PHLDB3: variants seen among roughly 807,000 people sequenced by gnomAD.
PHLDB3 encodes pleckstrin homology like domain family B member 3, also known as pleckstrin homology-like domain family B member 3.
Under a neutral mutation model 85.7 loss-of-function variants are expected in PHLDB3, and 86 were observed. The observed-to-expected ratio is 1.00, with a 90% CI of 0.84 to 1.20. The LOEUF is 1.20. Ranked by LOEUF, PHLDB3 falls within the 50% of genes most tolerant of loss-of-function variation. The pLI, the probability that PHLDB3 is intolerant of heterozygous loss-of-function variation, is 0.00. For synonymous variants in PHLDB3, 376 were observed against 349.8 expected (o/e 1.07, Z -0.83); for missense variants, 995 against 873.0 (o/e 1.14, Z -1.76).
chr19:43,475,384 A>T lies in PHLDB3; in HGVS notation c.*26T>A. The T allele has an allele frequency of 3.7e-6, 6 of 1,609,232 alleles. No individual in the cohort carries two copies. The highest frequency in any genetic ancestry group is 5.1e-6 in the Non-Finnish European group (6 of 1,176,660). On this transcript the variant is annotated 3_prime_UTR_variant, in exon 16 of 16. Coordinates refer to ENST00000292140, the MANE Select transcript of PHLDB3 (RefSeq NM_198850.4). ...CCCGCGCCGGCGGAGCCTCGAAGGGACTTCCCCCCAAGAGGGCGGGGCCAC... is the reference window on the plus strand; with the variant it reads ...CCCGCGCCGGCGGAGCCTCGAAGGGTCTTCCCCCCAAGAGGGCGGGGCCAC...
Position 43,477,372 on chromosome 19 carries a change from A to T in PHLDB3, c.1788+675T>A, listed in dbSNP as rs909767604. Among the ~76,000 whole-genome samples, 7 of 151,132 alleles carry T rather than the reference A, an allele frequency of 4.6e-5. 1 individual carries two copies. Among genetic ancestry groups the T allele is most frequent in the African/African-American group, 1.7e-4 (7 of 40,692 alleles). ...CATCTCAACTAAAAATACAAAAGTT[A>T]GCCAGCTGTGGTGGCACGCCTGTAA... On this transcript the variant is annotated intron_variant, in intron 15 of 15. Transcript: ENST00000292140.
intron 4 of PHLDB3, 34 bp from the exon 5 acceptor site, chr19:43,497,910 A>C: frequency 1.3e-6 from 2 of 1,575,862 alleles, no homozygotes; most frequent in Non-Finnish European, 1.7e-6. Context: ...CCCTCAGCTT[A>C]AGCATAGCGG....
At chr19:43,498,336 C>G (rs1323397950) in intron 4 of PHLDB3, among the ~76,000 whole-genome samples, 2 of 144,960 alleles carry the variant, frequency 1.4e-5, no homozygotes, top group Admixed American at 1.4e-4. Flanking sequence ...GACACTGTCT[C>G]GAAAGGGAAG....
chr19:43,489,327 A>G (rs998698116), intron 9 of PHLDB3, among the ~76,000 whole-genome samples: 1 of 150,812 alleles, frequency 6.6e-6, no homozygotes, highest in Non-Finnish European at 1.5e-5. Context: ...TGATCATGCC[A>G]CTGCACTCCA....
chr19:43,486,136 C>T, intron 13 of PHLDB3, 130 bp downstream of exon 13: 4 of 1,410,886 alleles, frequency 2.8e-6, no homozygotes, highest in Non-Finnish European at 3.7e-6. Flanking sequence ...AGTTCCCTTT[C>T]CCTTGCCAAG....
chr19:43,479,446 G>T lies in PHLDB3; in HGVS notation c.1633C>A (p.Arg545Ser). The change falls in exon 14 of 16, where the codon CGC becomes AGC. Residue 545 changes from arginine to serine, a missense_variant. Arg to Ser is a moderately radical substitution (Grantham distance 110). Coordinates refer to ENST00000292140, the MANE Select transcript of PHLDB3 (RefSeq NM_198850.4). ...CATCGCTTCCTCCAGGTCTTGATGC[G>T]GCCGCCCATCTTCACCAGGGGTCCA... ...CRGPLVKMGG[R>S]IKTWRKRWFC... 6.4e-7 allele frequency: 1 copy of T among 1,566,568 alleles called. No individual in the cohort carries two copies. The highest frequency in any genetic ancestry group is 8.7e-7 in the Non-Finnish European group (1 of 1,155,958).
chr19:43,484,300 A>T (rs1290671049), intron 13 of PHLDB3, among the ~76,000 whole-genome samples: 2 of 151,732 alleles, frequency 1.3e-5, no homozygotes. Context: ...AATTTTTAAA[A>T]ACATATTTTG....
At chr19:43,477,786 C>T (rs1230903341) in intron 15 of PHLDB3, among the ~76,000 whole-genome samples, 8 of 149,888 alleles carry the variant, frequency 5.3e-5, no homozygotes, top group Non-Finnish European at 1.0e-4. Context: ...CAGGCCTGGG[C>T]GACAGAATGA....
chr19:43,496,016 CTT>C (rs199561319), intron 6 of PHLDB3: 3,674 of 139,952 alleles, frequency 0.026, 161 homozygotes, highest in African/African-American at 0.087. Context: ...AAGAAAAGCT[CTT>C]TTTTTTTTTT....
intron 3 of PHLDB3, 97 bp from the exon 4 acceptor site, chr19:43,501,968 A>T: frequency 1.3e-6 from 2 of 1,485,172 alleles, no homozygotes; most frequent in South Asian, 2.7e-5. Flanking sequence ...GATGGACTCC[A>T]GGGACCTGAA....
chr19:43,483,817 T>G (rs1971096298), intron 13 of PHLDB3, among the ~76,000 whole-genome samples: 1 of 152,132 alleles, frequency 6.6e-6, no homozygotes, highest in Non-Finnish European at 1.5e-5. Context: ...TGCATATAGA[T>G]TCAAATAAAT....
At chr19:43,486,996 A>G (rs1248634316) in intron 10 of PHLDB3, 28 bp downstream of exon 10, 2 of 1,513,776 alleles carry the variant, frequency 1.3e-6, no homozygotes, top group Non-Finnish European at 1.8e-6. Context: ...TGATGTGGGA[A>G]GGAAGTGGGG....
In PHLDB3 at chr19:43,495,236, G is replaced by A. The variant is rs1306347500; in HGVS notation, c.1035+20C>T. 2 of 1,608,368 alleles carry A rather than the reference G, an allele frequency of 1.2e-6. No individual in the cohort carries two copies. Among genetic ancestry groups the A allele is most frequent in the Admixed American group, 1.7e-5 (1 of 59,708 alleles). ...AAGTCTGAGGGAGGAGGGACTGAGA[G>A]GCATACAAAATCCCCATACCTTAGT... On this transcript the variant is annotated intron_variant, in intron 8 of 15. Transcript: ENST00000292140.
chr19:43,503,406 G>A (rs1386123575), intron 2 of PHLDB3, among the ~76,000 whole-genome samples: 2 of 151,952 alleles, frequency 1.3e-5, no homozygotes, highest in South Asian at 2.1e-4. Context: ...GGGCTCAAGC[G>A]ATCCTCCTGC....
intron 9 of PHLDB3, among the ~76,000 whole-genome samples, chr19:43,488,808 T>C (rs898400821): frequency 6.6e-6 from 1 of 152,006 alleles, no homozygotes; most frequent in Non-Finnish European, 1.5e-5. Context: ...AGACCATTTT[T>C]TTTTTTTTTG....
At chr19:43,503,384 C>T (rs1402369539) in intron 2 of PHLDB3, among the ~76,000 whole-genome samples, 3 of 151,930 alleles carry the variant, frequency 2.0e-5, no homozygotes, top group Non-Finnish European at 4.4e-5. Context: ...TTCACCGCAG[C>T]CTACAACTCC....
chr19:43,486,853 C>G lies in PHLDB3; in HGVS notation c.1267G>C (p.Ala423Pro), dbSNP rs1331065354. The G allele has an allele frequency of 6.4e-6, 10 of 1,566,972 alleles. No homozygotes were observed. Among genetic ancestry groups the G allele is most frequent in the Non-Finnish European group, 8.7e-6 (10 of 1,155,016 alleles). Residue 423 changes from alanine (A) to proline (P), a missense_variant, in exon 11 of 16, where the codon GCT becomes CCT. Coordinates refer to ENST00000292140, the MANE Select transcript of PHLDB3 (RefSeq NM_198850.4). ...FHCTESLEAS[A>P]LPPAVGDSGR... ...GAGTCCCCCACTGCTGGCGGGAGAG[C>G]TGAGGCCTCCAGGGATTCTAGGGTA...
chr19:43,504,227 A>G (rs1162799575), intron 1 of PHLDB3, 95 bp from the exon 2 acceptor site: 4 of 1,135,286 alleles, frequency 3.5e-6, no homozygotes, highest in Admixed American at 2.8e-5. Flanking sequence ...CCCCCCCCCA[A>G]GGAGGCGGGG....
At chr19:43,499,138 G>A (rs374425573) in intron 4 of PHLDB3, among the ~76,000 whole-genome samples, 16 of 151,848 alleles carry the variant, frequency 1.1e-4, no homozygotes, top group East Asian at 5.8e-4. Flanking sequence ...GGGCCTGGGC[G>A]GTGGGGCTGA....
Sources: allele counts gnomAD v4.1 joint callset (sites outside exome capture counted in the v4.1 genomes callset), GRCh38; gene constraint gnomAD v4.1.1; transcripts MANE v1.5; gene names NCBI Gene and HGNC (gene_info 2026-07-23, HGNC 2026-07-21).